SPHK2: variants seen among roughly 807,000 people sequenced by gnomAD.
SPHK2 encodes sphingosine kinase 2.
SPHK2 carries 18 observed loss-of-function variants against 32.3 expected under a neutral mutation model. That is an observed-to-expected ratio of 0.56 (90% confidence interval 0.39 to 0.83). The LOEUF (loss-of-function observed/expected upper bound fraction) is 0.83. SPHK2 is among the 40% of genes least tolerant of loss of function. The pLI is 0.00. For synonymous variants in SPHK2, 462 were observed against 417.6 expected, an observed-to-expected ratio of 1.11 and a Z score of -1.30; for missense variants, 850 against 908.7, an observed-to-expected ratio of 0.94 and a Z score of 0.83.
Position 48,630,275 on chromosome 19 carries a change from A to C in SPHK2, c.*502A>C. 1.5e-6 allele frequency: 2 copies of C among 1,295,116 alleles called. No individual in the cohort carries two copies. Among genetic ancestry groups the C allele is most frequent in the Non-Finnish European group, 2.0e-6 (2 of 1,022,428 alleles). 80.2% of individuals were successfully genotyped at this position (1,295,116 alleles called of 1,614,324 possible). On this transcript the variant is annotated 3_prime_UTR_variant, in exon 7 of 7. Coordinates refer to ENST00000245222, the MANE Select transcript of SPHK2 (RefSeq NM_020126.5). This position sits in a 1 kb window ranked among gnomAD's most constrained non-coding sequence, Gnocchi z 4.9. Reference sequence around the variant, plus strand: ...GGGGCCGGCGCTAGGATTTGCACTAATGTTCCTCTCCCCGCGGGTGGGGGC... The same window carrying C: ...GGGGCCGGCGCTAGGATTTGCACTACTGTTCCTCTCCCCGCGGGTGGGGGC...
rs1167470688 is a variant in SPHK2 at position 48,629,051 on chromosome 19, C to G, written c.1243C>G (p.Pro415Ala). ...CCCAGCCCCGCCCATGGCCCACTCA[C>G]CCCTGCATCGTTCTGTGTCTGACCT... ...PDPAPPMAHS[P>A]LHRSVSDLPL... The change falls in exon 7 of 7, where the codon CCC becomes GCC. Residue 415 changes from proline to alanine, a missense_variant. Around this residue, in one of 2 missense-constraint regions of SPHK2, gnomAD observed 544 missense variants for 640.0 expected, o/e 0.85. Coordinates refer to ENST00000245222, the MANE Select transcript of SPHK2 (RefSeq NM_020126.5). The G allele has an allele frequency of 6.2e-7, 1 of 1,613,240 alleles. No individual in the cohort carries two copies. Among genetic ancestry groups the G allele is most frequent in the Non-Finnish European group, 8.5e-7 (1 of 1,179,780 alleles).
chr19:48,627,551 TACCTAGGCCTGGCC>T lies in SPHK2; in HGVS notation c.512-138_512-125del. ...AGCTAGGAGTTGGGGCAGGGCTGCATACCTAGGCCTGGCCACATGAGAGCCAGCAGGTCCCAGGG... is the reference window on the plus strand; with the variant it reads ...AGCTAGGAGTTGGGGCAGGGCTGCATACATGAGAGCCAGCAGGTCCCAGGG... On this transcript the variant is annotated intron_variant, in intron 3 of 6. Transcript: ENST00000245222. The T allele has an allele frequency of 4.1e-6, 4 of 985,680 alleles. No homozygotes were observed. The South Asian group carries it at 7.0e-5, about 17-fold the overall frequency. 61.1% of individuals were successfully genotyped at this position (985,680 alleles called of 1,614,324 possible). A position where few individuals can be genotyped will look rare whatever the true frequency, so the allele number is the denominator to read the frequency against.
Position 48,630,003 on chromosome 19 carries a change from G to T in SPHK2, c.*230G>T. On this transcript the variant is annotated 3_prime_UTR_variant, in exon 7 of 7. Coordinates refer to ENST00000245222, the MANE Select transcript of SPHK2 (RefSeq NM_020126.5). This position sits in a 1 kb window ranked among gnomAD's most constrained non-coding sequence, Gnocchi z 4.9. ...GGTAGTGCCTGATCAATGAGGGCGG[G>T]GCCTGGCGTCTGATCTGGGGCCGCC... 2 of 1,375,754 alleles carry T rather than the reference G, an allele frequency of 1.5e-6. No homozygotes were observed. Among genetic ancestry groups the T allele is most frequent in the Non-Finnish European group, 1.9e-6 (2 of 1,068,282 alleles). 85.2% of individuals were successfully genotyped at this position (1,375,754 alleles called of 1,614,324 possible).
Position 48,629,107 on chromosome 19 carries a change from C to T in SPHK2, c.1299C>T (p.Ala433=), listed in dbSNP as rs1410746913. ...TTCCCCTGCCCCAGCCTGCCCTGGC[C>T]TCTCCTGGCTCGCCAGAACCCCTGC... The part of the protein sequence containing the change: ...LPLPLPQPAL[A]SPGSPEPLPI... Residue 433 remains alanine, a synonymous_variant, in exon 7 of 7, where the codon GCC becomes GCT. Coordinates refer to ENST00000245222, the MANE Select transcript of SPHK2 (RefSeq NM_020126.5). The T allele has an allele frequency of 1.9e-6, 3 of 1,613,500 alleles. No individual in the cohort carries two copies. In the South Asian group the frequency reaches 3.3e-5, roughly 18 times the overall value.
rs552724721 is a variant in SPHK2, at chr19:48,630,256, G to A, written c.*483G>A. 25 of 1,275,248 alleles carry A rather than the reference G, an allele frequency of 2.0e-5. No homozygotes were observed. The East Asian group carries it at 6.1e-4, about 31-fold the overall frequency. The allele number at this position is 1,275,248 out of a possible 1,614,324, so 79.0% of individuals were successfully genotyped here. On this transcript the variant is annotated 3_prime_UTR_variant, in exon 7 of 7. Transcript: ENST00000245222. The surrounding 1 kb of genome is among the most constrained non-coding windows in gnomAD (Gnocchi z 4.9). ...CAGGAGGGGCAGGTTCCCCGGGGCCGGCGCTAGGATTTGCACTAATGTTCC... is the reference window on the plus strand; with the variant it reads ...CAGGAGGGGCAGGTTCCCCGGGGCCAGCGCTAGGATTTGCACTAATGTTCC...
intron 1 of SPHK2, chr19:48,619,857 GGGTGGGGGGAATGGAGGCCCAAA>G (rs1393242112): frequency 6.5e-6 from 1 of 153,542 alleles, no homozygotes; most frequent in Non-Finnish European, 1.5e-5. Flanking sequence ...CGTGGCTTGG[GGGTGGGGGGAATGGAGGCCCAAA>G]GGGTAGGAAG....
rs747894513 is a variant in SPHK2 at position 48,629,248 on chromosome 19, A to C, written c.1440A>C (p.Ala480=). ...LLSSPPGSPK[A]ALHSPVSEGA... is the part of the protein sequence containing the mutation. ...CTTCACCTCCTGGCTCTCCCAAGGC[A>C]GCTCTACACTCACCCGTCTCCGAAG... Residue 480 remains alanine (A), a synonymous_variant, in exon 7 of 7, where the codon GCA becomes GCC. Coordinates refer to ENST00000245222, the MANE Select transcript of SPHK2 (RefSeq NM_020126.5). The C allele has an allele frequency of 6.8e-6, 11 of 1,613,536 alleles. No individual in the cohort carries two copies. The Admixed American group carries it at 1.7e-4, about 24-fold the overall frequency.
rs371561826 is a variant in SPHK2 at position 48,629,979 on chromosome 19, G to A, written c.*206G>A. The A allele has an allele frequency of 3.7e-4, 514 of 1,401,786 alleles. 5 individuals carry two copies. The Middle Eastern group carries it at 5.0e-3, about 14-fold the overall frequency. The allele number at this position is 1,401,786 out of a possible 1,614,324, so 86.8% of individuals were successfully genotyped here. A position where few individuals can be genotyped will look rare whatever the true frequency, so the allele number is the denominator to read the frequency against. ...AAAGAGAAATGGGCTCGTCCCGAGG[G>A]TAGTGCCTGATCAATGAGGGCGGGG... On this transcript the variant is annotated 3_prime_UTR_variant, in exon 7 of 7. Coordinates refer to ENST00000245222, the MANE Select transcript of SPHK2 (RefSeq NM_020126.5).
rs1045822207 is a variant in SPHK2 at position 48,630,148 on chromosome 19, G to A, written c.*375G>A. ...CAGGACCTGGAATGTACTGGCTGGG[G>A]TAGGCCTCAGTGAGTCGGCCGGTCA... On this transcript the variant is annotated 3_prime_UTR_variant, in exon 7 of 7. Coordinates refer to ENST00000245222, the MANE Select transcript of SPHK2 (RefSeq NM_020126.5). This position sits in a 1 kb window ranked among gnomAD's most constrained non-coding sequence, Gnocchi z 4.9. 16 of 1,250,152 alleles carry A rather than the reference G, an allele frequency of 1.3e-5. No homozygotes were observed. The African/African-American group carries it at 2.3e-4, about 18-fold the overall frequency. The allele number at this position is 1,250,152 out of a possible 1,614,324, so 77.4% of individuals were successfully genotyped here. A position where few individuals can be genotyped will look rare whatever the true frequency, so the allele number is the denominator to read the frequency against.
Position 48,629,408 on chromosome 19 carries a change from C to T in SPHK2, c.1600C>T (p.Leu534=), listed in dbSNP as rs1032725833. Reference sequence around the variant, plus strand: ...CCCGCTGCCCCCAGACTGGGTGACGCTGGAGGGGGACTTTGTGCTCATGTT... The same window carrying T: ...CCCGCTGCCCCCAGACTGGGTGACGTTGGAGGGGGACTTTGTGCTCATGTT... ...GTPLPPDWVT[L]EGDFVLMLAI... is the part of the protein sequence containing the mutation. Residue 534 remains leucine, a synonymous_variant, in exon 7 of 7, where the codon CTG becomes TTG. Transcript: ENST00000245222. 1 of 1,611,436 alleles carries T rather than the reference C, an allele frequency of 6.2e-7. No homozygotes were observed. Among genetic ancestry groups the T allele is most frequent in the Non-Finnish European group, 8.5e-7 (1 of 1,179,484 alleles).
intron 2 of SPHK2, 128 bp from the exon 3 acceptor site, chr19:48,625,763 C>G: frequency 6.5e-7 from 1 of 1,535,672 alleles, no homozygotes; most frequent in Non-Finnish European, 8.7e-7. Flanking sequence ...CTGAGCCTGT[C>G]TGTCTCTGAT....
At chr19:48,620,920 CAA>C (rs761243344) in intron 2 of SPHK2, 46 of 121,918 alleles carry the variant, frequency 3.8e-4, no homozygotes, top group South Asian at 2.4e-3. Context: ...GACTCCGTCT[CAA>C]AAAAAAAAAA....
At position 48,629,698 on chromosome 19, in the gene SPHK2, G is replaced by T. The variant is rs201761033; in HGVS notation, c.1890G>T (p.Pro630=). ...ACGGGGAGCAGGTGGAGTATGGGCC[G>T]CTACAGGCACAGATGCACCCTGGCA... ...TVDGEQVEYG[P]LQAQMHPGIG... is the part of the protein sequence containing the mutation. The change falls in exon 7 of 7, where the codon CCG becomes CCT. Residue 630 remains proline, a synonymous_variant. Coordinates refer to ENST00000245222, the MANE Select transcript of SPHK2 (RefSeq NM_020126.5). 5.8e-5 allele frequency: 94 copies of T among 1,609,514 alleles called. No homozygotes were observed. In the East Asian group the frequency reaches 2.1e-3, roughly 35 times the overall value.
chr19:48,628,365 C>A lies in SPHK2; in HGVS notation c.872+88C>A. 1 of 1,285,154 alleles carries A rather than the reference C, an allele frequency of 7.8e-7. No homozygotes were observed. Among genetic ancestry groups the A allele is most frequent in the Non-Finnish European group, 1.1e-6 (1 of 891,322 alleles). The allele number at this position is 1,285,154 out of a possible 1,614,324, so 79.6% of individuals were successfully genotyped here. On this transcript the variant is annotated intron_variant, in intron 6 of 6. Transcript: ENST00000245222. This position sits in a 1 kb window ranked among gnomAD's most constrained non-coding sequence, Gnocchi z 5.2. Reference sequence around the variant, plus strand: ...TCTCCCACTCAGCCAAACCCACAGTCAGTCAAGTAAATCAGCCTGCCTGTG... The same window carrying A: ...TCTCCCACTCAGCCAAACCCACAGTAAGTCAAGTAAATCAGCCTGCCTGTG...
chr19:48,622,215 C>T (rs1262010432), intron 2 of SPHK2, among the ~76,000 whole-genome samples: 3 of 148,990 alleles, frequency 2.0e-5, no homozygotes, highest in Admixed American at 6.8e-5. Flanking sequence ...GTCGAGATCG[C>T]GCCACTGCAC....
At chr19:48,627,222 C>T (rs1436267342) in intron 3 of SPHK2, among the ~76,000 whole-genome samples, 1 of 152,230 alleles carries the variant, frequency 6.6e-6, no homozygotes, top group Non-Finnish European at 1.5e-5. Flanking sequence ...TGTCTCCTAT[C>T]CTCTTCCCCT....
chr19:48,620,696 T>TCAGGTGATCCGCAGGCCTTG, intron 2 of SPHK2, 143 bp downstream of exon 2: 1 of 667,088 alleles, frequency 1.5e-6, no homozygotes, highest in Non-Finnish European at 2.5e-6. Context: ...GGCCAAGGCC[T>TCAGGTGATCCGCAGGCCTTG]GCGGATCACC....
rs1449560985 is a variant in SPHK2 at position 48,626,002 on chromosome 19, C to T, written c.151C>T (p.Leu51Phe). 2 of 1,613,430 alleles carry T rather than the reference C, an allele frequency of 1.2e-6. No homozygotes were observed. The highest frequency in any genetic ancestry group is 1.7e-6 in the Non-Finnish European group (2 of 1,179,928). The change falls in exon 3 of 7, where the codon CTC (leucine) becomes TTC (phenylalanine). Residue 51 changes from leucine (L) to phenylalanine (F), a missense_variant. Around this residue, in one of 2 missense-constraint regions of SPHK2, gnomAD observed 544 missense variants for 640.0 expected, o/e 0.85. Coordinates refer to ENST00000245222, the MANE Select transcript of SPHK2 (RefSeq NM_020126.5). ...GCCACTGGCTGCCAGCACCCCGCTC[C>T]TCCATGGCGAGTTTGGCTCCTACCC... is the stretch of plus-strand genomic sequence containing the variant. Reference protein sequence around the residue: ...PPPLAASTPLLHGEFGSYPAR... With the variant: ...PPPLAASTPLFHGEFGSYPAR...
At position 48,630,152 on chromosome 19, in the gene SPHK2, G is replaced by A. The variant is rs2030479371; in HGVS notation, c.*379G>A. On this transcript the variant is annotated 3_prime_UTR_variant, in exon 7 of 7. Transcript: ENST00000245222. This position sits in a 1 kb window ranked among gnomAD's most constrained non-coding sequence, Gnocchi z 4.9. ...ACCTGGAATGTACTGGCTGGGGTAG[G>A]CCTCAGTGAGTCGGCCGGTCAGGGC... The A allele has an allele frequency of 8.0e-7, 1 of 1,245,536 alleles. No homozygotes were observed. 77.2% of individuals were successfully genotyped at this position (1,245,536 alleles called of 1,614,324 possible).
Sources: allele counts gnomAD v4.1 joint callset (sites outside exome capture counted in the v4.1 genomes callset), GRCh38; gene constraint gnomAD v4.1.1; regional missense constraint gnomAD v4.1.1; non-coding constraint Gnocchi (gnomAD v3.1); transcripts MANE v1.5; gene names NCBI Gene and HGNC (gene_info 2026-07-23, HGNC 2026-07-21).